The following AFF4 variants were observed in gnomAD, a reference collection of about 807,000 sequenced individuals.
AFF4 encodes the protein AF4/FMR2 family member 4.
In AFF4, 13 loss-of-function variants were observed where a neutral mutation model predicts 124.8. The observed-to-expected ratio is 0.10, with a 90% confidence interval of 0.07 to 0.17. AFF4 has a LOEUF of 0.17. AFF4 is among the 10% of genes least tolerant of loss of function. The probability of loss-of-function intolerance (pLI) is 1.00; values close to 1 mark genes in which losing one functional copy is unlikely to be tolerated. For missense variants in AFF4, 1,092 were observed against 1,403.8 expected (o/e 0.78, Z 3.55); for synonymous variants, 477 against 496.1 (o/e 0.96, Z 0.51).
At chr5:132,939,702 C>T (rs182928526) in intron 1 of AFF4, among the ~76,000 whole-genome samples, 59 of 152,358 alleles carry the variant, frequency 3.9e-4, no homozygotes, top group Middle Eastern at 6.8e-3. Context: ...CCTCCACCAC[C>T]CAGGTTCAAT....
chr5:132,884,517 G>A (rs997244139), intron 19 of AFF4, among the ~76,000 whole-genome samples: 7 of 152,186 alleles, frequency 4.6e-5, no homozygotes, highest in African/African-American at 1.7e-4. Flanking sequence ...TGGGATTACA[G>A]GCGTGAGCTA....
chr5:132,941,124 A>AT (rs916528084), intron 1 of AFF4, among the ~76,000 whole-genome samples: 9 of 151,350 alleles, frequency 5.9e-5, no homozygotes, highest in Admixed American at 2.6e-4. Context: ...TATTGGTTCG[A>AT]TTTTTTTTGC....
At chr5:132,903,856 A>G (rs1760609673) in intron 6 of AFF4, 1 of 152,472 alleles carries the variant, frequency 6.6e-6, no homozygotes, top group East Asian at 1.9e-4. Context: ...TATTAGTTCA[A>G]ATGCTTAATA....
At position 132,877,416 on chromosome 5, in the gene AFF4, CA is replaced by C. The variant is rs1299223080; in HGVS notation, c.*3642del. On this transcript the variant is annotated 3_prime_UTR_variant, in exon 21 of 21. Transcript: ENST00000265343. The stretch of plus-strand genomic sequence containing the variant: ...TGAACATTAATATTCAAGGTGTCAA[CA>C]AGAAAGTGTCTTAGATCAATTTAAT... 1 of 217,160 alleles carries C rather than the reference CA, an allele frequency of 4.6e-6. No individual in the cohort carries two copies. Among genetic ancestry groups the C allele is most frequent in the Non-Finnish European group, 9.3e-6 (1 of 107,860 alleles). 13.5% of individuals were successfully genotyped at this position (217,160 alleles called of 1,614,324 possible).
chr5:132,881,105 C>T lies in AFF4; in HGVS notation c.3446G>A (p.Arg1149Gln). Residue 1149 changes from arginine to glutamine, a missense_variant, in exon 21 of 21, where the codon CGG becomes CAG. Physicochemically the swap from Arg to Gln is conservative, Grantham distance 43 (BLOSUM62 1). Coordinates refer to ENST00000265343, the MANE Select transcript of AFF4 (RefSeq NM_014423.4). ...SIMTDLVRYT[R>Q]QGLHWLRQDA... Reference sequence around the variant, plus strand: ...CTGGCGAAGCCAGTGCAGTCCCTGCCGGGTATAACGAACTAGATCTGTCAT... The same window carrying T: ...CTGGCGAAGCCAGTGCAGTCCCTGCTGGGTATAACGAACTAGATCTGTCAT... The T allele has an allele frequency of 3.1e-6, 5 of 1,614,100 alleles. No homozygotes were observed. Among genetic ancestry groups the T allele is most frequent in the South Asian group, 2.2e-5 (2 of 91,072 alleles).
At chr5:132,946,734 T>C (rs2150107879) in intron 1 of AFF4, among the ~76,000 whole-genome samples, 1 of 152,322 alleles carries the variant, frequency 6.6e-6, no homozygotes, top group South Asian at 2.1e-4. Flanking sequence ...ACACTGTGAA[T>C]GTACTTAATG....
intron 5 of AFF4, among the ~76,000 whole-genome samples, chr5:132,909,923 A>G (rs66746130): frequency 0.12 from 17,535 of 152,262 alleles, 1,279 homozygotes; most frequent in South Asian, 0.2. Flanking sequence ...AGATTTGTGA[A>G]GCACCTAGGT....
At chr5:132,932,053 C>A in intron 4 of AFF4, 125 bp downstream of exon 4, 1 of 547,244 alleles carries the variant, frequency 1.8e-6, no homozygotes, top group South Asian at 3.6e-5. Flanking sequence ...TGGACATAAT[C>A]AAGTTACAAA....
chr5:132,931,619 C>T (rs1041258620), intron 4 of AFF4, among the ~76,000 whole-genome samples: 1 of 152,162 alleles, frequency 6.6e-6, no homozygotes, highest in African/African-American at 2.4e-5. Flanking sequence ...TTAATGTTTT[C>T]CAGGCAAAGT....
intron 4 of AFF4, among the ~76,000 whole-genome samples, chr5:132,931,468 A>C (rs1279059243): frequency 6.6e-6 from 1 of 152,120 alleles, no homozygotes; most frequent in Non-Finnish European, 1.5e-5. Flanking sequence ...GAAATCTATT[A>C]CTGTAAGATT....
chr5:132,949,648 G>C (rs1023133513), intron 1 of AFF4, among the ~76,000 whole-genome samples: 10 of 151,848 alleles, frequency 6.6e-5, no homozygotes, highest in Middle Eastern at 3.4e-3. Context: ...AGGAGATTGA[G>C]ACCATCCTGG....
chr5:132,930,836 G>A (rs556017177), intron 4 of AFF4, among the ~76,000 whole-genome samples: 15 of 151,528 alleles, frequency 9.9e-5, no homozygotes, highest in African/African-American at 3.6e-4. Flanking sequence ...GCTGGGCGTG[G>A]TGGCTCATAC....
intron 13 of AFF4, among the ~76,000 whole-genome samples, chr5:132,890,711 G>A (rs925547131): frequency 6.6e-6 from 1 of 152,100 alleles, no homozygotes; most frequent in African/African-American, 2.4e-5. Flanking sequence ...TAACTGTTAA[G>A]TGCCAAGAGC....
At chr5:132,943,685 T>C (rs1461342425) in intron 1 of AFF4, 3 of 246,782 alleles carry the variant, frequency 1.2e-5, no homozygotes, top group Non-Finnish European at 2.6e-5. Context: ...GGCTTCAACA[T>C]CAAGAACGTA....
intron 11 of AFF4, 108 bp downstream of exon 11, chr5:132,896,215 T>G: frequency 1.5e-6 from 2 of 1,355,656 alleles, no homozygotes; most frequent in Non-Finnish European, 2.0e-6. Flanking sequence ...TACCCACTAT[T>G]TTCCTTCACA....
intron 18 of AFF4, among the ~76,000 whole-genome samples, chr5:132,885,466 GGGGTGGGT>G (rs528503753): frequency 1.0e-4 from 12 of 117,496 alleles, no homozygotes; most frequent in South Asian, 3.1e-4. Context: ...TCTTAAAAAA[GGGGTGGGT>G]GGGTGGGTGG....
intron 1 of AFF4, among the ~76,000 whole-genome samples, chr5:132,937,993 T>C (rs1459058035): frequency 2.0e-5 from 3 of 152,136 alleles, no homozygotes; most frequent in Non-Finnish European, 4.4e-5. Context: ...AGCAAGGATT[T>C]TGATTAAACA....
At chr5:132,922,722 A>G (rs756814169) in intron 5 of AFF4, among the ~76,000 whole-genome samples, 13 of 148,448 alleles carry the variant, frequency 8.8e-5, no homozygotes, top group Non-Finnish European at 1.5e-4. Context: ...GGAGGTTGCA[A>G]TGAGCCAAGA....
chr5:132,912,250 C>T (rs1293977155), intron 5 of AFF4, among the ~76,000 whole-genome samples: 3 of 151,090 alleles, frequency 2.0e-5, no homozygotes, highest in African/African-American at 7.3e-5. Context: ...GAGACTGAGG[C>T]AGAATTGCTT....
Sources: allele counts gnomAD v4.1 joint callset (sites outside exome capture counted in the v4.1 genomes callset), GRCh38; gene constraint gnomAD v4.1.1; transcripts MANE v1.5; gene names NCBI Gene and HGNC (gene_info 2026-07-23, HGNC 2026-07-21).